The following CCNY variants were observed in gnomAD, a reference collection of about 807,000 sequenced individuals.
CCNY encodes the protein cyclin Y, also known as cyclin-Y.
CCNY carries 19 observed loss-of-function variants against 42.8 expected under a neutral mutation model. The observed-to-expected ratio is 0.44, with a 90% CI of 0.31 to 0.65. CCNY has a LOEUF of 0.65. Ranked by LOEUF, CCNY falls within the 30% of genes least tolerant of loss-of-function variation. CCNY has a pLI of 0.07. For synonymous variants in CCNY, 165 were observed against 162.7 expected, an observed-to-expected ratio of 1.01 and a Z score of -0.11; for missense variants, 370 against 437.3, an observed-to-expected ratio of 0.85 and a Z score of 1.37.
Position 35,469,113 on chromosome 10 carries a change from C to T in CCNY, c.155-14291C>T, listed in dbSNP as rs190617453. On this transcript the variant is annotated intron_variant, in intron 1 of 9. Coordinates refer to ENST00000374704, the MANE Select transcript of CCNY (RefSeq NM_145012.6). Reference sequence around the variant, plus strand: ...TTATGCCAGATCACTGGTGTGAACCCGCATGTGTGTCACCTTAGTCAAAAC... The same window carrying T: ...TTATGCCAGATCACTGGTGTGAACCTGCATGTGTGTCACCTTAGTCAAAAC... Among the ~76,000 whole-genome samples the T allele has an allele frequency of 7.9e-5, 12 of 152,318 alleles. No individual in the cohort carries two copies. In the East Asian group the frequency reaches 9.6e-4, roughly 12 times the overall value.
At chr10:35,422,710 G>C (rs533734184) in intron 1 of CCNY, among the ~76,000 whole-genome samples, 2 of 152,228 alleles carry the variant, frequency 1.3e-5, no homozygotes, top group African/African-American at 4.8e-5. Context: ...ATTTATATTT[G>C]CTTATTTTTT....
At chr10:35,267,977 G>T (rs2095727326) in intron 3 of CCNY, among the ~76,000 whole-genome samples, 1 of 152,104 alleles carries the variant, frequency 6.6e-6, no homozygotes, top group African/African-American at 2.4e-5. Context: ...CTGGAGTGCA[G>T]TGATGCAATC....
At chr10:35,269,866 G>A (rs984837545) in intron 3 of CCNY, among the ~76,000 whole-genome samples, 1 of 152,086 alleles carries the variant, frequency 6.6e-6, no homozygotes, top group Non-Finnish European at 1.5e-5. Context: ...CTGACCTAGT[G>A]ATCCACCTGC....
rs538597141 is a variant in CCNY, at chr10:35,452,666, A to G, written c.155-30738A>G. 7.2e-5 allele frequency among the ~76,000 whole-genome samples: 11 copies of G among 152,244 alleles called. No homozygotes were observed. In the South Asian group the frequency reaches 2.3e-3, roughly 32 times the overall value. The stretch of plus-strand genomic sequence containing the variant: ...GAGGTTGGAAATTTAATGATAATTG[A>G]AAAACTGTATGTGTCAGTATACTTA... On this transcript the variant is annotated intron_variant, in intron 1 of 9. Coordinates refer to ENST00000374704, the MANE Select transcript of CCNY (RefSeq NM_145012.6).
chr10:35,524,058 A>C (rs538881240), intron 4 of CCNY, among the ~76,000 whole-genome samples: 1 of 152,340 alleles, frequency 6.6e-6, no homozygotes, highest in South Asian at 2.1e-4. Context: ...TAAACGAATG[A>C]AACTAATTCC....
At chr10:35,268,627 T>G (rs2095728046) in intron 3 of CCNY, among the ~76,000 whole-genome samples, 2 of 152,226 alleles carry the variant, frequency 1.3e-5, no homozygotes, top group African/African-American at 4.8e-5. Context: ...ACCCCTTCCC[T>G]GTGGCAGTCC....
At chr10:35,294,756 T>G (rs937114323) in intron 3 of CCNY, among the ~76,000 whole-genome samples, 12 of 152,230 alleles carry the variant, frequency 7.9e-5, no homozygotes, top group Non-Finnish European at 7.3e-5. Flanking sequence ...ACTGGCATAA[T>G]AGAATGATTT....
intron 3 of CCNY, among the ~76,000 whole-genome samples, chr10:35,258,658 A>T (rs1311767000): frequency 6.6e-6 from 1 of 152,112 alleles, no homozygotes; most frequent in Admixed American, 6.6e-5. Flanking sequence ...TTAGAAACAC[A>T]TGTGGGGTAC....
intron 3 of CCNY, among the ~76,000 whole-genome samples, chr10:35,284,502 T>C (rs1383649358): frequency 1.3e-5 from 2 of 152,184 alleles, no homozygotes; most frequent in Non-Finnish European, 2.9e-5. Context: ...ATATGGGTAA[T>C]TTGTGTTTTA....
intron 1 of CCNY, among the ~76,000 whole-genome samples, chr10:35,425,432 C>G (rs1838245025): frequency 6.6e-6 from 1 of 152,160 alleles, no homozygotes; most frequent in African/African-American, 2.4e-5. Flanking sequence ...CAGGAATACT[C>G]ATACATGTTT....
chr10:35,557,508 A>G (rs1462689388), intron 8 of CCNY, among the ~76,000 whole-genome samples: 1 of 152,148 alleles, frequency 6.6e-6, no homozygotes, highest in African/African-American at 2.4e-5. Flanking sequence ...TGTAATCCCA[A>G]CACTTTGGGA....
chr10:35,258,218 C>A (rs2095716955), intron 3 of CCNY, among the ~76,000 whole-genome samples: 1 of 152,070 alleles, frequency 6.6e-6, no homozygotes, highest in Non-Finnish European at 1.5e-5. Context: ...GTTTGCTGTT[C>A]TTTGTTATGG....
At chr10:35,427,644 A>G (rs1483078953) in intron 1 of CCNY, among the ~76,000 whole-genome samples, 1 of 152,282 alleles carries the variant, frequency 6.6e-6, no homozygotes, top group Non-Finnish European at 1.5e-5. Context: ...TTACATATAT[A>G]GAAGGAAAAT....
rs1215842925 is a variant in CCNY at position 35,336,618 on chromosome 10, C to G, written c.-436C>G. ...CCGCCGTCCGGCGCGGACACGCGTG[C>G]CCCCGGCTTGAACCGGAACCTCTTG... On this transcript the variant is annotated 5_prime_UTR_variant, in exon 1 of 10. Coordinates refer to ENST00000374704, the MANE Select transcript of CCNY (RefSeq NM_145012.6). Among the ~76,000 whole-genome samples, 1 of 148,360 alleles carries G rather than the reference C, an allele frequency of 6.7e-6. No homozygotes were observed. Among genetic ancestry groups the G allele is most frequent in the African/African-American group, 2.4e-5 (1 of 41,042 alleles).
chr10:35,315,584 G>T (rs780447735), intron 3 of CCNY, among the ~76,000 whole-genome samples: 2 of 152,156 alleles, frequency 1.3e-5, no homozygotes, highest in African/African-American at 4.8e-5. Flanking sequence ...TCACATGCAT[G>T]TGTCTTTAAG....
intron 1 of CCNY, among the ~76,000 whole-genome samples, chr10:35,427,980 C>G (rs1243958302): frequency 6.6e-6 from 1 of 152,118 alleles, no homozygotes; most frequent in Non-Finnish European, 1.5e-5. Context: ...CCAGCTATTA[C>G]CTAGTGGTGA....
intron 7 of CCNY, among the ~76,000 whole-genome samples, chr10:35,546,062 G>A (rs1254082097): frequency 6.6e-6 from 1 of 152,140 alleles, no homozygotes; most frequent in Non-Finnish European, 1.5e-5. Flanking sequence ...GTGTAATTGA[G>A]AATGGAGTGA....
chr10:35,561,817 C>T (rs966523666), intron 8 of CCNY, among the ~76,000 whole-genome samples: 3 of 152,174 alleles, frequency 2.0e-5, no homozygotes, highest in Admixed American at 6.5e-5. Context: ...TATCTGTGGG[C>T]GCAGGCTGAA....
intron 1 of CCNY, among the ~76,000 whole-genome samples, chr10:35,461,791 A>G (rs541856850): frequency 6.6e-6 from 1 of 152,152 alleles, no homozygotes; most frequent in South Asian, 2.1e-4. Flanking sequence ...CTACTGAATG[A>G]TTTTGTGTTT....
Sources: allele counts gnomAD v4.1 joint callset (sites outside exome capture counted in the v4.1 genomes callset), GRCh38; gene constraint gnomAD v4.1.1; transcripts MANE v1.5; gene names NCBI Gene and HGNC (gene_info 2026-07-23, HGNC 2026-07-21).